The following MAP4K2 variants were observed in gnomAD, a reference collection of about 807,000 sequenced individuals.
The protein encoded by MAP4K2 is mitogen-activated protein kinase kinase kinase kinase 2, also known as B lymphocyte serine/threonine protein kinase.
Under a neutral mutation model 125.3 loss-of-function variants are expected in MAP4K2, and 85 were observed. That is an observed-to-expected ratio of 0.68 (90% CI 0.57 to 0.81). The LOEUF is 0.81. Ranked by LOEUF, MAP4K2 falls within the 40% of genes least tolerant of loss-of-function variation. MAP4K2 has a pLI of 0.00. For missense variants in MAP4K2, 923 were observed against 1,056.4 expected (o/e 0.87, Z 1.75); for synonymous variants, 479 against 445.1 (o/e 1.08, Z -0.96).
At chr11:64,797,077 C>T in intron 19 of MAP4K2, 27 bp downstream of exon 19, 1 of 1,614,114 alleles carries the variant, frequency 6.2e-7, no homozygotes, top group South Asian at 1.1e-5. Flanking sequence ...CCGCCCGTCT[C>T]CCCACCCCAC....
At position 64,799,592 on chromosome 11, in the gene MAP4K2, G is replaced by C. The variant is rs750958279; in HGVS notation, c.994+13C>G. On this transcript the variant is annotated intron_variant, in intron 13 of 31. Coordinates refer to ENST00000294066, the MANE Select transcript of MAP4K2 (RefSeq NM_004579.5). ...CAAAATCTGCACACACACAGCCCCT[G>C]CTGCAGACTCACACTGGATCTCCGA... 4 of 1,613,846 alleles carry C rather than the reference G, an allele frequency of 2.5e-6. No homozygotes were observed. The Admixed American group carries it at 6.7e-5, about 27-fold the overall frequency.
rs370439271 is a variant in MAP4K2 at position 64,800,163 on chromosome 11, G to A, written c.861C>T (p.Asp287=). The change falls in exon 12 of 32, where the codon GAC becomes GAT. Residue 287 remains aspartate (D), a synonymous_variant. Transcript: ENST00000294066. The part of the protein sequence containing the change: ...LPRALLTQLL[D]KASDPHLGTP... The stretch of plus-strand genomic sequence containing the variant: ...TCCCCAGATGAGGGTCACTGGCTTT[G>A]TCCAGCAGCTGTGTGAGGAGGGCCC... The A allele has an allele frequency of 1.1e-4, 173 of 1,613,126 alleles. No homozygotes were observed. Among genetic ancestry groups the A allele is most frequent in the South Asian group, 1.0e-3 (92 of 90,992 alleles).
Position 64,802,209 on chromosome 11 carries a change from C to T in MAP4K2, c.311-88G>A, listed in dbSNP as rs745451295. 6.1e-6 allele frequency: 8 copies of T among 1,321,904 alleles called. No homozygotes were observed. The South Asian group carries it at 9.9e-5, about 16-fold the overall frequency. 81.9% of individuals were successfully genotyped at this position (1,321,904 alleles called of 1,614,324 possible). A position where few individuals can be genotyped will look rare whatever the true frequency, so the allele number is the denominator to read the frequency against. On this transcript the variant is annotated intron_variant, in intron 4 of 31. Coordinates refer to ENST00000294066, the MANE Select transcript of MAP4K2 (RefSeq NM_004579.5). ...CCGTGTGTGGGAAAAGCAGCAGGCA[C>T]TGTTAAATGAAAGCGGTGTTGGCCA... is the stretch of plus-strand genomic sequence containing the variant.
In MAP4K2 at chr11:64,789,527, C is replaced by A. The variant is rs758340406; in HGVS notation, c.*10G>T. On this transcript the variant is annotated 3_prime_UTR_variant, in exon 32 of 32. Transcript: ENST00000294066. ...GTGGGGCGGGGAGCCCCTGGACAGG[C>A]CCGCTGCTCTTAGTAGGTGCTCTGG... is the stretch of plus-strand genomic sequence containing the variant. 37 of 1,567,406 alleles carry A rather than the reference C, an allele frequency of 2.4e-5. No homozygotes were observed. Among genetic ancestry groups the A allele is most frequent in the Non-Finnish European group, 3.0e-5 (35 of 1,155,622 alleles).
intron 28 of MAP4K2, 21 bp downstream of exon 28, chr11:64,790,373 C>T: frequency 6.2e-7 from 1 of 1,614,010 alleles, no homozygotes; most frequent in Non-Finnish European, 8.5e-7. Flanking sequence ...CTGCCCTAAG[C>T]CCTGCCCCCA....
rs368061946 is a variant in MAP4K2, at chr11:64,788,009, C to T, written c.*1528G>A. Reference sequence around the variant, plus strand: ...CTCACGGGAACATGGGTGTGAATGCCTGGTGTGAAGAGATGTGTTCCCTCC... The same window carrying T: ...CTCACGGGAACATGGGTGTGAATGCTTGGTGTGAAGAGATGTGTTCCCTCC... On this transcript the variant is annotated 3_prime_UTR_variant, in exon 32 of 32. Transcript: ENST00000294066. 2 of 152,336 alleles carry T rather than the reference C, an allele frequency of 1.3e-5. No individual in the cohort carries two copies. Among genetic ancestry groups the T allele is most frequent in the East Asian group, 3.9e-4 (2 of 5,190 alleles). 9.4% of individuals were successfully genotyped at this position (152,336 alleles called of 1,614,324 possible).
At chr11:64,790,573 T>C in intron 27 of MAP4K2, 111 bp from the exon 28 acceptor site, 1 of 957,338 alleles carries the variant, frequency 1.0e-6, no homozygotes, top group Non-Finnish European at 1.6e-6. Flanking sequence ...CACGTCAGCC[T>C]CACAACAGCC....
rs998601403 is a variant in MAP4K2 at position 64,786,852 on chromosome 11, C to T, written c.*2685G>A. On this transcript the variant is annotated 3_prime_UTR_variant, in exon 32 of 32. Coordinates refer to ENST00000294066, the MANE Select transcript of MAP4K2 (RefSeq NM_004579.5). ...CACCAATAGGGATCTCACTGCAGGT[C>T]ATTAACATTTGTTATGGGAAACATA... 1.3e-5 allele frequency: 2 copies of T among 151,412 alleles called. No individual in the cohort carries two copies. The highest frequency in any genetic ancestry group is 2.4e-5 in the African/African-American group (1 of 41,132). 9.4% of individuals were successfully genotyped at this position (151,412 alleles called of 1,614,324 possible). A position where few individuals can be genotyped will look rare whatever the true frequency, so the allele number is the denominator to read the frequency against.
At position 64,796,181 on chromosome 11, in the gene MAP4K2, A is replaced by G. The variant is rs1002327748; in HGVS notation, c.1751+92T>C. The G allele has an allele frequency of 6.8e-6, 8 of 1,171,180 alleles. No individual in the cohort carries two copies. In the African/African-American group the frequency reaches 9.3e-5, roughly 14 times the overall value. 72.5% of individuals were successfully genotyped at this position (1,171,180 alleles called of 1,614,324 possible). On this transcript the variant is annotated intron_variant, in intron 24 of 31. Coordinates refer to ENST00000294066, the MANE Select transcript of MAP4K2 (RefSeq NM_004579.5). ...GGCGCTCAGAGAGACAACACGTCTA[A>G]GATTGCTGCAATCCCAGGAACTGGC...
rs1002990545 is a variant in MAP4K2 at position 64,786,733 on chromosome 11, G to C, written c.*2804C>G. ...GCTGCTTCCAGGAACTTATCTTCTA[G>C]AAGTGCTTGAATATGTACAGAGGGG... On this transcript the variant is annotated 3_prime_UTR_variant, in exon 32 of 32. Transcript: ENST00000294066. 6.6e-6 allele frequency: 1 copy of C among 152,174 alleles called. No individual in the cohort carries two copies. Among genetic ancestry groups the C allele is most frequent in the Non-Finnish European group, 1.5e-5 (1 of 68,034 alleles). The allele number at this position is 152,174 out of a possible 1,614,324, so 9.4% of individuals were successfully genotyped here.
intron 23 of MAP4K2, 26 bp downstream of exon 23, chr11:64,796,467 G>C: frequency 6.2e-7 from 1 of 1,613,636 alleles, no homozygotes; most frequent in South Asian, 1.1e-5. Context: ...TGCGGACCCT[G>C]CCTCCCTGCC....
intron 2 of MAP4K2, 29 bp downstream of exon 2, chr11:64,802,856 T>A: frequency 2.5e-6 from 4 of 1,591,584 alleles, no homozygotes; most frequent in Non-Finnish European, 3.4e-6. Context: ...GCCCTTCCTC[T>A]GGCGCAGAGG....
chr11:64,800,458 C>A (rs1322070055), intron 10 of MAP4K2, 66 bp from the exon 11 acceptor site: 2 of 1,546,584 alleles, frequency 1.3e-6, no homozygotes, highest in Non-Finnish European at 1.8e-6. Context: ...GTCCTGCCAG[C>A]TGCCCTACCA....
chr11:64,802,118 G>A lies in MAP4K2; in HGVS notation c.314C>T (p.Thr105Ile). 1 of 1,613,020 alleles carries A rather than the reference G, an allele frequency of 6.2e-7. No individual in the cohort carries two copies. The highest frequency in any genetic ancestry group is 8.5e-7 in the Non-Finnish European group (1 of 1,179,924). ...AATCTGCCGCTCCTCCAGGGGCCCAGTGGCTGAAAGGAAAAGGGAGAGGCT... is the reference window on the plus strand; with the variant it reads ...AATCTGCCGCTCCTCCAGGGGCCCAATGGCTGAAAGGAAAAGGGAGAGGCT... ...GGSLQEIYHA[T>I]GPLEERQIAY... Residue 105 changes from threonine to isoleucine, a missense_variant, in exon 5 of 32, where the codon ACT becomes ATT. Thr to Ile is a moderately conservative substitution (Grantham distance 89). This residue lies in a region of MAP4K2 where 833 missense variants were observed against 911.4 expected (regional missense o/e 0.91). Transcript: ENST00000294066.
intron 24 of MAP4K2, 111 bp downstream of exon 24, chr11:64,796,162 C>G (rs1940782534): frequency 2.0e-6 from 2 of 991,674 alleles, no homozygotes; most frequent in Admixed American, 6.1e-5. Flanking sequence ...AACGGGCGCT[C>G]AGAGAGACAA....
chr11:64,791,943 C>T lies in MAP4K2; in HGVS notation c.2058G>A (p.Glu686=). ...TGAGGATGTCGGGCGTCAGGCCAGCCTCCAGGGGCAGGACATGGAACAGGA... is the reference window on the plus strand; with the variant it reads ...TGAGGATGTCGGGCGTCAGGCCAGCTTCCAGGGGCAGGACATGGAACAGGA... ...CRVLFHVLPL[E]AGLTPDILIP... is the part of the protein sequence containing the mutation. The change falls in exon 27 of 32, where the codon GAG becomes GAA. Residue 686 remains glutamate, a synonymous_variant. Coordinates refer to ENST00000294066, the MANE Select transcript of MAP4K2 (RefSeq NM_004579.5). The T allele has an allele frequency of 6.2e-7, 1 of 1,604,176 alleles. No homozygotes were observed.
intron 29 of MAP4K2, 67 bp from the exon 30 acceptor site, chr11:64,790,026 G>T: frequency 6.3e-7 from 1 of 1,587,294 alleles, no homozygotes; most frequent in South Asian, 1.1e-5. Context: ...GCCTGAGCCT[G>T]GGTCTGGGCC....
chr11:64,802,781 G>C, intron 2 of MAP4K2, 104 bp downstream of exon 2: 1 of 1,470,764 alleles, frequency 6.8e-7, no homozygotes, highest in South Asian at 1.2e-5. Context: ...ACCTCCCGGG[G>C]CACGCCTCTC....
At chr11:64,793,212 G>T (rs1353930951) in intron 24 of MAP4K2, among the ~76,000 whole-genome samples, 1 of 92,252 alleles carries the variant, frequency 1.1e-5, no homozygotes, top group African/African-American at 3.2e-5. Flanking sequence ...GTGAAACTCG[G>T]TCTCAAAAAA....
Sources: gnomAD v4.1 joint callset for allele counts (sites outside exome capture counted in the v4.1 genomes callset) on GRCh38, gnomAD v4.1.1 for gene constraint, gnomAD v4.1.1 regional missense constraint, MANE v1.5 for transcripts, NCBI Gene and HGNC (gene_info 2026-07-23, HGNC 2026-07-21) for gene names.